ELOVL4: variants seen among roughly 807,000 people sequenced by gnomAD.
The protein encoded by ELOVL4 is ELOVL fatty acid elongase 4, also known as very long chain fatty acid elongase 4.
Under a neutral mutation model 42.1 loss-of-function variants are expected in ELOVL4, and 18 were observed. The ratio of observed to expected loss-of-function variants is 0.43; its 90% CI spans 0.30 to 0.63. The LOEUF (loss-of-function observed/expected upper bound fraction) is 0.63, where lower values mean the gene tolerates loss of function less well. Among genes scored for constraint, ELOVL4 ranks in the 30% least tolerant of loss-of-function variants. ELOVL4 has a pLI of 0.15. For missense variants in ELOVL4, 299 were observed against 376.2 expected, an observed-to-expected ratio of 0.79 and a Z score of 1.70; for synonymous variants, 117 against 127.0, an observed-to-expected ratio of 0.92 and a Z score of 0.53.
intron 1 of ELOVL4, among the ~76,000 whole-genome samples, chr6:79,927,099 C>T (rs1293150938): frequency 1.3e-5 from 2 of 152,090 alleles, no homozygotes; most frequent in Non-Finnish European, 2.9e-5. Context: ...CATTATTTTA[C>T]TTAAAATGAA....
Position 79,947,399 on chromosome 6 carries a change from G to C in ELOVL4, c.-120C>G. On this transcript the variant is annotated 5_prime_UTR_variant, in exon 1 of 6. Coordinates refer to ENST00000369816, the MANE Select transcript of ELOVL4 (RefSeq NM_022726.4). ...GCCGGGAACCCCTCTAACGGCGGCGGCCCGGCTGCGTCTTCTCCTGCTCCT... is the reference window on the plus strand; with the variant it reads ...GCCGGGAACCCCTCTAACGGCGGCGCCCCGGCTGCGTCTTCTCCTGCTCCT... The C allele has an allele frequency of 1.3e-6, 1 of 764,140 alleles. No individual in the cohort carries two copies. Among genetic ancestry groups the C allele is most frequent in the South Asian group, 1.5e-5 (1 of 67,818 alleles). The allele number at this position is 764,140 out of a possible 1,614,324, so 47.3% of individuals were successfully genotyped here.
intron 1 of ELOVL4, among the ~76,000 whole-genome samples, chr6:79,943,285 C>G (rs1774677193): frequency 6.6e-6 from 1 of 151,986 alleles, no homozygotes; most frequent in Non-Finnish European, 1.5e-5. Context: ...GTTAAACATC[C>G]CCTCCCACTA....
chr6:79,938,624 A>G (rs920537456), intron 1 of ELOVL4, among the ~76,000 whole-genome samples: 4 of 152,344 alleles, frequency 2.6e-5, no homozygotes, highest in East Asian at 1.9e-4. Flanking sequence ...CGCATTTTGT[A>G]TTCTACATAT....
intron 4 of ELOVL4, 122 bp downstream of exon 4, chr6:79,921,503 A>AAATG: frequency 1.5e-6 from 1 of 647,696 alleles, no homozygotes. Context: ...ATGAACATGG[A>AAATG]AATGATTAAC....
At chr6:79,939,395 C>A (rs1774602068) in intron 1 of ELOVL4, among the ~76,000 whole-genome samples, 1 of 152,070 alleles carries the variant, frequency 6.6e-6, no homozygotes, top group African/African-American at 2.4e-5. Flanking sequence ...TGGAACTTTT[C>A]TATCTTGAAA....
intron 1 of ELOVL4, among the ~76,000 whole-genome samples, chr6:79,927,450 T>C (rs1302883139): frequency 1.3e-5 from 2 of 152,154 alleles, no homozygotes; most frequent in East Asian, 1.9e-4. Flanking sequence ...TTGATCATAA[T>C]AACTCCCTAT....
chr6:79,942,973 G>A (rs1287086914), intron 1 of ELOVL4, among the ~76,000 whole-genome samples: 3 of 151,570 alleles, frequency 2.0e-5, no homozygotes, highest in East Asian at 1.9e-4. Flanking sequence ...CAGTGACCAA[G>A]GGAGATCCCA....
chr6:79,926,787 T>C (rs1376515079), intron 1 of ELOVL4, among the ~76,000 whole-genome samples: 1 of 152,240 alleles, frequency 6.6e-6, no homozygotes, highest in Non-Finnish European at 1.5e-5. Context: ...GAGGCTGCTC[T>C]GTGTGTCCAC....
intron 1 of ELOVL4, among the ~76,000 whole-genome samples, chr6:79,931,223 TTAA>T (rs1774437906): frequency 1.3e-5 from 2 of 152,210 alleles, no homozygotes; most frequent in South Asian, 4.1e-4. Flanking sequence ...CCTTCATGTG[TTAA>T]TAAATTTGCT....
At position 79,916,384 on chromosome 6, in the gene ELOVL4, T is replaced by C; in HGVS notation, c.*224A>G. On this transcript the variant is annotated 3_prime_UTR_variant, in exon 6 of 6. Coordinates refer to ENST00000369816, the MANE Select transcript of ELOVL4 (RefSeq NM_022726.4). The stretch of plus-strand genomic sequence containing the variant: ...TTAATGATTGCTTTGGTCTGGAGAA[T>C]ATCAAGGCTAATTTTTAAAAAAAAT... The C allele has an allele frequency of 1.8e-6, 1 of 545,168 alleles. No individual in the cohort carries two copies. The highest frequency in any genetic ancestry group is 3.2e-6 in the Non-Finnish European group (1 of 308,748). 33.8% of individuals were successfully genotyped at this position (545,168 alleles called of 1,614,324 possible).
intron 1 of ELOVL4, among the ~76,000 whole-genome samples, chr6:79,927,539 T>TA (rs912197122): frequency 1.2e-4 from 19 of 152,252 alleles, no homozygotes; most frequent in African/African-American, 4.6e-4. Context: ...ATACCTTACT[T>TA]AAAAAATTAA....
At chr6:79,928,301 T>C (rs1774378340) in intron 1 of ELOVL4, among the ~76,000 whole-genome samples, 1 of 152,118 alleles carries the variant, frequency 6.6e-6, no homozygotes, top group Non-Finnish European at 1.5e-5. Context: ...CCATACTCCA[T>C]GTAACAAAGA....
rs141513161 is a variant in ELOVL4, at chr6:79,919,801, G to T, written c.542-254C>A. 6.3e-4 allele frequency among the ~76,000 whole-genome samples: 96 copies of T among 152,228 alleles called. 1 individual carries two copies. The South Asian group carries it at 8.3e-3, about 13-fold the overall frequency. ...TCAAATGCAAAGGACTTTCACAGTT[G>T]TAGGTTTTCAAATGGAGTACTCCAG... On this transcript the variant is annotated intron_variant, in intron 4 of 5. Coordinates refer to ENST00000369816, the MANE Select transcript of ELOVL4 (RefSeq NM_022726.4).
intron 1 of ELOVL4, among the ~76,000 whole-genome samples, chr6:79,929,649 T>C (rs1291745619): frequency 1.3e-5 from 2 of 152,192 alleles, no homozygotes; most frequent in Non-Finnish European, 2.9e-5. Context: ...TACATGATCA[T>C]TTAGGTTTAT....
At chr6:79,917,789 C>G (rs958480482) in intron 5 of ELOVL4, among the ~76,000 whole-genome samples, 4 of 151,954 alleles carry the variant, frequency 2.6e-5, no homozygotes, top group Admixed American at 1.3e-4. Context: ...CCATTGCACT[C>G]CAACTTGGGC....
intron 5 of ELOVL4, among the ~76,000 whole-genome samples, chr6:79,918,531 T>G (rs1281832145): frequency 6.6e-6 from 1 of 152,220 alleles, no homozygotes; most frequent in Non-Finnish European, 1.5e-5. Flanking sequence ...AATGAATCCT[T>G]CGCACCCAGC....
intron 5 of ELOVL4, among the ~76,000 whole-genome samples, chr6:79,917,699 T>C (rs1582043583): frequency 6.6e-6 from 1 of 152,026 alleles, no homozygotes; most frequent in East Asian, 1.9e-4. Context: ...TCCATGACTG[T>C]AATCCCAGCT....
At chr6:79,943,228 G>A (rs239519) in intron 1 of ELOVL4, among the ~76,000 whole-genome samples, 2 of 152,046 alleles carry the variant, frequency 1.3e-5, no homozygotes, top group Non-Finnish European at 2.9e-5. Context: ...CTGGGACCTA[G>A]CAATCCCTAA....
At chr6:79,947,074 C>A in intron 1 of ELOVL4, 106 bp downstream of exon 1, 1 of 930,576 alleles carries the variant, frequency 1.1e-6, no homozygotes. Flanking sequence ...CATCCGAAAG[C>A]CGCAGGGCGC....
Sources: allele counts gnomAD v4.1 joint callset (sites outside exome capture counted in the v4.1 genomes callset), GRCh38; gene constraint gnomAD v4.1.1; transcripts MANE v1.5; gene names NCBI Gene and HGNC (gene_info 2026-07-23, HGNC 2026-07-21).